Variants in TMCO4 observed in about 807,000 individuals in gnomAD.
TMCO4 encodes the protein transmembrane and coiled-coil domains 4.
Under a neutral mutation model 64.7 loss-of-function variants are expected in TMCO4, and 58 were observed. The observed-to-expected ratio is 0.90, with a 90% CI of 0.73 to 1.12. The LOEUF (loss-of-function observed/expected upper bound fraction) is 1.12, where lower values mean the gene tolerates loss of function less well. TMCO4 is among the 50% of genes most tolerant of loss of function. The pLI is 0.00. For synonymous variants in TMCO4, 325 were observed against 346.1 expected (o/e 0.94, Z 0.68); for missense variants, 780 against 825.9 (o/e 0.94, Z 0.68).
intron 13 of TMCO4, among the ~76,000 whole-genome samples, chr1:19,710,456 C>T (rs2095325777): frequency 1.3e-5 from 2 of 152,108 alleles, no homozygotes; most frequent in South Asian, 4.1e-4. Context: ...TCATCATCAT[C>T]TCAGTTTATT....
intron 4 of TMCO4, among the ~76,000 whole-genome samples, chr1:19,778,765 T>A (rs1329536966): frequency 6.6e-6 from 1 of 152,190 alleles, no homozygotes; most frequent in African/African-American, 2.4e-5. Flanking sequence ...AAGCCAGCAT[T>A]AACCTACCTC....
intron 6 of TMCO4, among the ~76,000 whole-genome samples, chr1:19,763,116 C>T (rs2042577297): frequency 6.6e-6 from 1 of 151,842 alleles, no homozygotes; most frequent in Non-Finnish European, 1.5e-5. Flanking sequence ...CACTCTGTCA[C>T]CCAGGCTGGA....
rs182474458 is a variant in TMCO4 at position 19,703,527 on chromosome 1, T to C, written c.1265-2642A>G. Among the ~76,000 whole-genome samples the C allele has an allele frequency of 4.6e-4, 69 of 150,982 alleles. 1 individual carries two copies. The highest frequency in any genetic ancestry group is 1.6e-3 in the African/African-American group (67 of 41,104). ...CTTTCCTTTCTCCCTCCCTCCTTCT[T>C]TTCTTTTCTTTCTTTTTCTTTTCTT... On this transcript the variant is annotated intron_variant, in intron 13 of 15. Coordinates refer to ENST00000294543, the MANE Select transcript of TMCO4 (RefSeq NM_181719.7).
At chr1:19,690,431 C>A in intron 15 of TMCO4, among the ~76,000 whole-genome samples, 1 of 152,244 alleles carries the variant, frequency 6.6e-6, no homozygotes, top group South Asian at 2.1e-4. Flanking sequence ...GGTACCCCTG[C>A]CCAGGTGCTG....
intron 13 of TMCO4, among the ~76,000 whole-genome samples, chr1:19,722,699 A>G (rs1159874755): frequency 6.6e-6 from 1 of 152,178 alleles, no homozygotes; most frequent in Non-Finnish European, 1.5e-5. Flanking sequence ...AGGGAGACAC[A>G]GTCCTGGAAG....
At chr1:19,704,746 T>C (rs2095293593) in intron 13 of TMCO4, among the ~76,000 whole-genome samples, 1 of 152,136 alleles carries the variant, frequency 6.6e-6, no homozygotes, top group Non-Finnish European at 1.5e-5. Flanking sequence ...ATAGCAGCAT[T>C]CCTGAGCCAC....
intron 2 of TMCO4, among the ~76,000 whole-genome samples, chr1:19,791,486 C>T (rs2044034232): frequency 6.6e-6 from 1 of 152,184 alleles, no homozygotes; most frequent in African/African-American, 2.4e-5. Context: ...CAAACTCTTC[C>T]AGCTGCACAA....
chr1:19,730,723 A>G (rs371435577), intron 13 of TMCO4, among the ~76,000 whole-genome samples: 1 of 152,178 alleles, frequency 6.6e-6, no homozygotes, highest in Non-Finnish European at 1.5e-5. Flanking sequence ...GAAGACAGTT[A>G]ATTCTACAGG....
intron 3 of TMCO4, among the ~76,000 whole-genome samples, chr1:19,783,944 G>C (rs1454488309): frequency 6.6e-6 from 1 of 152,204 alleles, no homozygotes; most frequent in African/African-American, 2.4e-5. Flanking sequence ...AGACCATGGT[G>C]GTGGGAACAG....
At chr1:19,691,776 A>G (rs1264528639) in intron 15 of TMCO4, among the ~76,000 whole-genome samples, 1 of 152,196 alleles carries the variant, frequency 6.6e-6, no homozygotes, top group African/African-American at 2.4e-5. Flanking sequence ...CCCCACCCAA[A>G]TCTCATCTTG....
rs552985128 is a variant in TMCO4, at chr1:19,762,740, G to T, written c.383-6974C>A. On this transcript the variant is annotated intron_variant, in intron 6 of 15. Transcript: ENST00000294543. The stretch of plus-strand genomic sequence containing the variant: ...CCCCCAAATCAGGAGCGGGGGGCAG[G>T]ACAGCCTCCTGTTGTAAGGCACTGA... Among the ~76,000 whole-genome samples the T allele has an allele frequency of 5.3e-5, 8 of 152,306 alleles. No homozygotes were observed. In the South Asian group the frequency reaches 1.7e-3, roughly 32 times the overall value.
intron 6 of TMCO4, among the ~76,000 whole-genome samples, chr1:19,758,783 A>T (rs2042374414): frequency 6.6e-6 from 1 of 152,154 alleles, no homozygotes; most frequent in Non-Finnish European, 1.5e-5. Flanking sequence ...TTGCTCCTTG[A>T]GAGCCTGTCC....
intron 8 of TMCO4, 76 bp downstream of exon 8, chr1:19,747,085 CCA>C: frequency 1.4e-6 from 2 of 1,472,344 alleles, no homozygotes; most frequent in Non-Finnish European, 1.9e-6. Flanking sequence ...CCTGCACTCT[CCA>C]CTCTCACCCA....
intron 13 of TMCO4, among the ~76,000 whole-genome samples, chr1:19,729,670 G>A (rs967950655): frequency 7.2e-5 from 11 of 151,890 alleles, no homozygotes; most frequent in Non-Finnish European, 1.0e-4. Flanking sequence ...GGAGGCTGAG[G>A]TATGAGAATT....
At chr1:19,731,003 A>C (rs1048230729) in intron 13 of TMCO4, among the ~76,000 whole-genome samples, 1 of 152,226 alleles carries the variant, frequency 6.6e-6, no homozygotes, top group Non-Finnish European at 1.5e-5. Context: ...GTTAAACAGC[A>C]GGGCTGCCTG....
At chr1:19,747,316 AT>A (rs1172558077) in intron 7 of TMCO4, 56 bp from the exon 8 acceptor site, 1 of 1,475,502 alleles carries the variant, frequency 6.8e-7, no homozygotes, top group East Asian at 2.3e-5. Flanking sequence ...CCCTTGAGAC[AT>A]CCCCACCACA....
At chr1:19,711,246 A>G (rs866334138) in intron 13 of TMCO4, among the ~76,000 whole-genome samples, 1 of 152,192 alleles carries the variant, frequency 6.6e-6, no homozygotes, top group Non-Finnish European at 1.5e-5. Context: ...CCCTGCTTCA[A>G]CTAAGTCTGT....
At chr1:19,737,667 G>A (rs2095461553) in intron 12 of TMCO4, among the ~76,000 whole-genome samples, 1 of 152,228 alleles carries the variant, frequency 6.6e-6, no homozygotes, top group Non-Finnish European at 1.5e-5. Flanking sequence ...TGCTGGAATT[G>A]GCTTCCTCCA....
In TMCO4 at chr1:19,682,483, C is replaced by G. The variant is rs1570592539; in HGVS notation, c.*557G>C. 6.2e-6 allele frequency: 4 copies of G among 646,646 alleles called. No homozygotes were observed. In the East Asian group the frequency reaches 1.1e-4, roughly 18 times the overall value. 40.1% of individuals were successfully genotyped at this position (646,646 alleles called of 1,614,324 possible). On this transcript the variant is annotated 3_prime_UTR_variant, in exon 16 of 16. Coordinates refer to ENST00000294543, the MANE Select transcript of TMCO4 (RefSeq NM_181719.7). ...GCAGCGCACAGCCTACATGGCTGTA[C>G]AGGGCAGATCTGATTGGATCTCCTA...
Sources: allele counts gnomAD v4.1 joint callset (sites outside exome capture counted in the v4.1 genomes callset), GRCh38; gene constraint gnomAD v4.1.1; transcripts MANE v1.5; gene names NCBI Gene and HGNC (gene_info 2026-07-23, HGNC 2026-07-21).